EYS: variants seen among roughly 807,000 people sequenced by gnomAD.
EYS encodes the protein protein eyes shut homolog.
In EYS, 250 loss-of-function variants were observed where a neutral mutation model predicts 282.1. The observed-to-expected ratio is 0.89, with a 90% confidence interval of 0.80 to 0.98. The LOEUF is 0.98. Among genes scored for constraint, EYS ranks in the 50% least tolerant of loss-of-function variants. The pLI is 0.00. For missense variants in EYS, 4,016 were observed against 3,709.0 expected (o/e 1.08, Z -2.15); for synonymous variants, 1,355 against 1,282.9 (o/e 1.06, Z -1.20).
At chr6:64,488,201 C>T (rs1776632700) in intron 26 of EYS, among the ~76,000 whole-genome samples, 1 of 150,902 alleles carries the variant, frequency 6.6e-6, no homozygotes, top group Non-Finnish European at 1.5e-5. Context: ...TTAATAAATT[C>T]ACCAGAAGAA....
At chr6:64,151,790 C>T (rs1296824712) in intron 31 of EYS, among the ~76,000 whole-genome samples, 1 of 152,096 alleles carries the variant, frequency 6.6e-6, no homozygotes, top group Non-Finnish European at 1.5e-5. Context: ...GGAGGTGACT[C>T]TGGAGAAGAA....
intron 1 of EYS, among the ~76,000 whole-genome samples, chr6:65,681,179 G>A (rs1768799540): frequency 6.6e-6 from 1 of 150,644 alleles, no homozygotes; most frequent in South Asian, 2.1e-4. Flanking sequence ...TGAAGGCTCA[G>A]TTTCATGAGA....
intron 12 of EYS, among the ~76,000 whole-genome samples, chr6:65,064,306 A>G (rs1007166880): frequency 7.1e-6 from 1 of 141,332 alleles, no homozygotes; most frequent in Non-Finnish European, 1.5e-5. Context: ...TCTTCTCTTT[A>G]TTTTTTTGTG....
chr6:64,564,022 T>C (rs1380088585), intron 26 of EYS, among the ~76,000 whole-genome samples: 1 of 151,884 alleles, frequency 6.6e-6, no homozygotes, highest in African/African-American at 2.4e-5. Flanking sequence ...AAAACAAATG[T>C]CATATCTTAG....
At chr6:63,827,388 A>G (rs1771498919) in intron 36 of EYS, among the ~76,000 whole-genome samples, 2 of 152,206 alleles carry the variant, frequency 1.3e-5, no homozygotes, top group African/African-American at 2.4e-5. Context: ...TCAACAAACA[A>G]TGGATTTGAA....
chr6:63,825,064 G>T lies in EYS; in HGVS notation c.7229-18692C>A, dbSNP rs182837126. ...AATAGACTCGGGGCTGTTGTTGGGG[G>T]CATGGTGGGAGTGAGACTGGCCCTT... On this transcript the variant is annotated intron_variant, in intron 36 of 42. Coordinates refer to ENST00000503581, the MANE Select transcript of EYS (RefSeq NM_001142800.2). Among the ~76,000 whole-genome samples the T allele has an allele frequency of 2.4e-4, 36 of 152,248 alleles. 1 individual carries two copies. The East Asian group carries it at 4.5e-3, about 19-fold the overall frequency.
intron 26 of EYS, among the ~76,000 whole-genome samples, chr6:64,484,913 C>T (rs1776538066): frequency 6.6e-6 from 1 of 151,602 alleles, no homozygotes; most frequent in Admixed American, 6.6e-5. Flanking sequence ...CAAGACAAGC[C>T]AAGGCCTGGC....
intron 12 of EYS, among the ~76,000 whole-genome samples, chr6:65,181,632 T>C (rs1409886454): frequency 6.6e-6 from 1 of 152,126 alleles, no homozygotes; most frequent in Non-Finnish European, 1.5e-5. Flanking sequence ...AGTTCAACCG[T>C]TGTGGAAATC....
chr6:65,300,493 A>G (rs1163341392), intron 11 of EYS, among the ~76,000 whole-genome samples: 1 of 152,166 alleles, frequency 6.6e-6, no homozygotes, highest in Non-Finnish European at 1.5e-5. Flanking sequence ...CAAAAGTTTA[A>G]CATGCATCTC....
intron 1 of EYS, among the ~76,000 whole-genome samples, chr6:65,670,378 G>A (rs1304989819): frequency 6.6e-6 from 1 of 151,996 alleles, no homozygotes; most frequent in East Asian, 1.9e-4. Context: ...ATTGTTGCTA[G>A]GCATGAGGTA....
chr6:65,169,716 G>A (rs1765059820), intron 12 of EYS, among the ~76,000 whole-genome samples: 1 of 151,452 alleles, frequency 6.6e-6, no homozygotes, highest in East Asian at 2.0e-4. Flanking sequence ...CCTAACTACA[G>A]TATCCAAACT....
chr6:65,646,450 C>A (rs2149815931), intron 1 of EYS, among the ~76,000 whole-genome samples: 1 of 152,076 alleles, frequency 6.6e-6, no homozygotes, highest in Middle Eastern at 3.4e-3. Context: ...TAGATGCAGA[C>A]AAAGCATTTG....
chr6:64,997,193 T>C (rs1771292034), intron 14 of EYS, among the ~76,000 whole-genome samples: 1 of 152,070 alleles, frequency 6.6e-6, no homozygotes. Context: ...GAGTGAAATG[T>C]AAGATAATGA....
chr6:64,534,981 C>G (rs1452262929), intron 26 of EYS, among the ~76,000 whole-genome samples: 4 of 152,030 alleles, frequency 2.6e-5, no homozygotes, highest in Non-Finnish European at 5.9e-5. Flanking sequence ...AATGAATCTC[C>G]TTTTTGGGTG....
intron 22 of EYS, among the ~76,000 whole-genome samples, chr6:64,660,472 T>G (rs9345356): frequency 0.64 from 95,226 of 149,468 alleles, 30,046 homozygotes; most frequent in African/African-American, 0.71. Flanking sequence ...TGACATGATT[T>G]TATATCTAGA....
intron 30 of EYS, among the ~76,000 whole-genome samples, chr6:64,260,913 GTATATA>G (rs1767564052): frequency 6.6e-6 from 1 of 151,384 alleles, no homozygotes; most frequent in Non-Finnish European, 1.5e-5. Flanking sequence ...TACATAATAG[GTATATA>G]TATTTATGGG....
chr6:65,081,874 G>A (rs1326353929), intron 12 of EYS, among the ~76,000 whole-genome samples: 1 of 152,000 alleles, frequency 6.6e-6, no homozygotes. Context: ...CCTAATGCAT[G>A]GTCATGCTAC....
intron 22 of EYS, among the ~76,000 whole-genome samples, chr6:64,649,591 G>C (rs1768484675): frequency 6.6e-6 from 1 of 152,114 alleles, no homozygotes; most frequent in Non-Finnish European, 1.5e-5. Context: ...GCCTGCCTCA[G>C]CCTCCCAAAG....
chr6:64,982,656 C>A lies in EYS; in HGVS notation c.2259+14926G>T, dbSNP rs979586106. Reference sequence around the variant, plus strand: ...ATTCAATCTATATAGATATATATGACTTTGAAAATGATTTTGAGTGCTTTT... The same window carrying A: ...ATTCAATCTATATAGATATATATGAATTTGAAAATGATTTTGAGTGCTTTT... On this transcript the variant is annotated intron_variant, in intron 14 of 42. Coordinates refer to ENST00000503581, the MANE Select transcript of EYS (RefSeq NM_001142800.2). Among the ~76,000 whole-genome samples the A allele has an allele frequency of 8.6e-5, 13 of 151,128 alleles. 1 individual carries two copies. The East Asian group carries it at 2.5e-3, about 29-fold the overall frequency.
Sources: allele counts gnomAD v4.1 joint callset (sites outside exome capture counted in the v4.1 genomes callset), GRCh38; gene constraint gnomAD v4.1.1; transcripts MANE v1.5; gene names NCBI Gene and HGNC (gene_info 2026-07-23, HGNC 2026-07-21).